Variants in DNAH14 observed in about 807,000 individuals in gnomAD.
DNAH14 encodes the protein dynein axonemal heavy chain 14.
DNAH14 carries 478 observed loss-of-function variants against 520.9 expected under a neutral mutation model. The observed-to-expected ratio is 0.92, with a 90% CI of 0.85 to 0.99. The LOEUF (loss-of-function observed/expected upper bound fraction) is 0.99, where lower values mean the gene tolerates loss of function less well. Ranked by LOEUF, DNAH14 falls within the 50% of genes least tolerant of loss-of-function variation. The pLI is 0.00. For synonymous variants in DNAH14, 1,581 were observed against 1,757.2 expected (o/e 0.90, Z 2.51); for missense variants, 4,831 against 5,234.5 (o/e 0.92, Z 2.38).
At position 224,974,164 on chromosome 1, in the gene DNAH14, A is replaced by T; in HGVS notation, c.830+11A>T. On this transcript the variant is annotated intron_variant, in intron 8 of 85. Transcript: ENST00000682510. Reference sequence around the variant, plus strand: ...GACAGAGAAGAGCAGGTAAGTTTTGATACGCAATATATAAAAATTTCAAAA... The same window carrying T: ...GACAGAGAAGAGCAGGTAAGTTTTGTTACGCAATATATAAAAATTTCAAAA... 6.9e-7 allele frequency: 1 copy of T among 1,444,792 alleles called. No individual in the cohort carries two copies. The highest frequency in any genetic ancestry group is 1.5e-5 in the South Asian group (1 of 65,986). 89.5% of individuals were successfully genotyped at this position (1,444,792 alleles called of 1,614,324 possible).
chr1:225,393,409 C>T (rs1026329367), intron 84 of DNAH14, among the ~76,000 whole-genome samples: 32 of 152,340 alleles, frequency 2.1e-4, no homozygotes, highest in Admixed American at 1.7e-3. Context: ...CAGACCTGTA[C>T]AGCATGTTAC....
At chr1:224,938,084 A>C (rs2059157035) in intron 1 of DNAH14, among the ~76,000 whole-genome samples, 1 of 152,216 alleles carries the variant, frequency 6.6e-6, no homozygotes, top group Non-Finnish European at 1.5e-5. Flanking sequence ...TAAGAACTGA[A>C]ACTATGAAAC....
At chr1:224,940,334 C>G (rs74149420) in intron 1 of DNAH14, among the ~76,000 whole-genome samples, 7,293 of 152,126 alleles carry the variant, frequency 0.048, 509 homozygotes, top group African/African-American at 0.15. Context: ...AAGACCAGCC[C>G]AGATTTAAAA....
At chr1:225,300,716 T>TG (rs1356567896) in intron 55 of DNAH14, among the ~76,000 whole-genome samples, 153 bp from the exon 56 acceptor site, 3 of 148,342 alleles carry the variant, frequency 2.0e-5, no homozygotes, top group South Asian at 2.2e-4. Context: ...AAAAAAAAGG[T>TG]GGGGGGTGGG....
intron 21 of DNAH14, among the ~76,000 whole-genome samples, chr1:225,094,563 G>T (rs912295146): frequency 1.4e-5 from 2 of 147,166 alleles, no homozygotes; most frequent in African/African-American, 5.0e-5. Flanking sequence ...AGGGGCCAAG[G>T]CAAAGATTTC....
intron 38 of DNAH14, among the ~76,000 whole-genome samples, chr1:225,195,121 A>T (rs1406989082): frequency 6.6e-6 from 1 of 152,200 alleles, no homozygotes; most frequent in Non-Finnish European, 1.5e-5. Context: ...CAAAGAACTT[A>T]GAACTACCAT....
chr1:225,117,826 G>C (rs2076983107), intron 24 of DNAH14, 38 bp downstream of exon 24: 1 of 1,516,522 alleles, frequency 6.6e-7, no homozygotes, highest in African/African-American at 1.4e-5. Flanking sequence ...TATTATATTA[G>C]CGATATTCAG....
intron 15 of DNAH14, among the ~76,000 whole-genome samples, chr1:225,048,913 A>G (rs923068424): frequency 4.6e-5 from 7 of 152,134 alleles, no homozygotes; most frequent in African/African-American, 1.7e-4. Flanking sequence ...TTAGCCTTCT[A>G]ATAGGTGTGT....
At chr1:225,391,005 G>GT (rs761159337) in intron 83 of DNAH14, among the ~76,000 whole-genome samples, 12 of 152,160 alleles carry the variant, frequency 7.9e-5, no homozygotes, top group Non-Finnish European at 1.3e-4. Context: ...AAAGTTGAGT[G>GT]TTTCAATGAC....
At chr1:225,186,831 A>C (rs1228992200) in intron 37 of DNAH14, among the ~76,000 whole-genome samples, 1 of 151,810 alleles carries the variant, frequency 6.6e-6, no homozygotes, top group Non-Finnish European at 1.5e-5. Context: ...AATGATTCTC[A>C]CATGTTTAAT....
Position 225,360,827 on chromosome 1 carries a change from G to A in DNAH14, c.11923G>A (p.Val3975Ile). 6.4e-7 allele frequency: 1 copy of A among 1,551,666 alleles called. No individual in the cohort carries two copies. Among genetic ancestry groups the A allele is most frequent in the Non-Finnish European group, 8.7e-7 (1 of 1,146,980 alleles). The change falls in exon 75 of 86, where the codon GTC (valine) becomes ATC (isoleucine). Residue 3975 changes from valine to isoleucine, a missense_variant. Coordinates refer to ENST00000682510, the MANE Select transcript of DNAH14 (RefSeq NM_001367479.1). ...GGCACTAACAAAAACACAACAATGG[G>A]TCTTCCTCCAGAACTGCCATCTTGC... ...LKALTKTQQWVFLQNCHLATS... is the reference protein window; with the variant it reads ...LKALTKTQQWIFLQNCHLATS...
chr1:225,331,231 G>A (rs931500925), intron 64 of DNAH14, among the ~76,000 whole-genome samples: 6 of 151,796 alleles, frequency 4.0e-5, no homozygotes, highest in South Asian at 4.2e-4. Flanking sequence ...AAGCAAGATG[G>A]CATTTAAAAA....
chr1:225,214,557 G>T (rs1439427173), intron 41 of DNAH14, among the ~76,000 whole-genome samples: 1 of 152,062 alleles, frequency 6.6e-6, no homozygotes, highest in Non-Finnish European at 1.5e-5. Context: ...TTGGTTGGTA[G>T]GCTATTAACT....
intron 15 of DNAH14, among the ~76,000 whole-genome samples, chr1:225,046,875 T>G (rs1484474873): frequency 2.0e-5 from 3 of 152,206 alleles, no homozygotes; most frequent in Admixed American, 2.0e-4. Context: ...TTCTCCCCAG[T>G]TGGCTCCTGT....
rs1558426391 is a variant in DNAH14, at chr1:225,335,307, A to AT, written c.10080+1801_10080+1802insT. Reference sequence around the variant, plus strand: ...TATATGCACATATACACATGTGTACACGTGTGTATATGCACATATACACGT... The same window carrying AT: ...TATATGCACATATACACATGTGTACATCGTGTGTATATGCACATATACACGT... On this transcript the variant is annotated intron_variant, in intron 66 of 85. Transcript: ENST00000682510. Among the ~76,000 whole-genome samples the AT allele has an allele frequency of 2.5e-3, 334 of 135,958 alleles. 13 individuals carry two copies. Among genetic ancestry groups the AT allele is most frequent in the African/African-American group, 8.8e-3 (309 of 35,072 alleles). The allele number at this position is 135,958 out of a possible 152,430, so 89.2% of individuals were successfully genotyped here.
intron 10 of DNAH14, among the ~76,000 whole-genome samples, chr1:225,016,423 C>G (rs926603845): frequency 6.6e-6 from 1 of 152,136 alleles, no homozygotes; most frequent in Non-Finnish European, 1.5e-5. Flanking sequence ...ATCTGCTTAT[C>G]TAATGGAAAT....
In DNAH14 at chr1:225,170,330, G is replaced by T. The variant is rs535441261; in HGVS notation, c.5535+2302G>T. Among the ~76,000 whole-genome samples the T allele has an allele frequency of 2.1e-4, 32 of 152,240 alleles. 1 individual carries two copies. In the South Asian group the frequency reaches 6.2e-3, roughly 30 times the overall value. ...ATTAAAAGACACAGACTGGCAAATT[G>T]GATAAAGAGTCAAGACCCATCAGTG... On this transcript the variant is annotated intron_variant, in intron 36 of 85. Transcript: ENST00000682510.
intron 20 of DNAH14, among the ~76,000 whole-genome samples, chr1:225,084,741 AT>A (rs1294759293): frequency 6.6e-6 from 1 of 151,428 alleles, no homozygotes; most frequent in Non-Finnish European, 1.5e-5. Context: ...CAGTTGGAAG[AT>A]CTGACTATTT....
chr1:224,987,575 G>C (rs549829770), intron 8 of DNAH14, among the ~76,000 whole-genome samples: 5 of 152,258 alleles, frequency 3.3e-5, no homozygotes, highest in Non-Finnish European at 7.4e-5. Flanking sequence ...GTAGAAGGCA[G>C]AAGGGCAAGC....
Sources: gnomAD v4.1 joint callset for allele counts (sites outside exome capture counted in the v4.1 genomes callset) on GRCh38, gnomAD v4.1.1 for gene constraint, MANE v1.5 for transcripts, NCBI Gene and HGNC (gene_info 2026-07-23, HGNC 2026-07-21) for gene names.